NEBL: variants seen among roughly 807,000 people sequenced by gnomAD.
The protein encoded by NEBL is LIM and SH3 protein 2.
In NEBL, 122 loss-of-function variants were observed where a neutral mutation model predicts 140.2. The ratio of observed to expected loss-of-function variants is 0.87; its 90% CI spans 0.75 to 1.01. NEBL has a LOEUF of 1.01. Among genes scored for constraint, NEBL ranks in the 50% least tolerant of loss-of-function variants. The pLI, the probability that NEBL is intolerant of heterozygous loss-of-function variation, is 0.00. For synonymous variants in NEBL, 436 were observed against 398.9 expected (o/e 1.09, Z -1.11); for missense variants, 1,365 against 1,231.3 (o/e 1.11, Z -1.62).
chr10:20,818,806 C>T, intron 20 of NEBL: 1 of 988,622 alleles, frequency 1.0e-6, no homozygotes, highest in South Asian at 4.6e-5. Flanking sequence ...CAACACAGTC[C>T]CAAATTTCCT....
At chr10:21,165,283 T>C (rs1427898982) in intron 2 of NEBL, among the ~76,000 whole-genome samples, 1 of 152,198 alleles carries the variant, frequency 6.6e-6, no homozygotes, top group Admixed American at 6.5e-5. Context: ...AAACCAGACC[T>C]CTAAGTAGTG....
At chr10:20,791,702 G>A (rs930619375) in intron 26 of NEBL, among the ~76,000 whole-genome samples, 1 of 152,046 alleles carries the variant, frequency 6.6e-6, no homozygotes. Flanking sequence ...CTAAGAACAT[G>A]TTAAGAGGCT....
chr10:20,999,754 C>T (rs1589123643), intron 3 of NEBL, among the ~76,000 whole-genome samples: 1 of 152,182 alleles, frequency 6.6e-6, no homozygotes, highest in African/African-American at 2.4e-5. Context: ...TCTCTTACAA[C>T]CCCCGCTTTA....
chr10:21,032,931 AC>A (rs766984009), intron 2 of NEBL, among the ~76,000 whole-genome samples: 9 of 152,182 alleles, frequency 5.9e-5, no homozygotes, highest in Non-Finnish European at 8.8e-5. Context: ...AACCTGACCT[AC>A]CCTACTATGA....
chr10:21,012,668 C>T (rs1198908043), intron 3 of NEBL, among the ~76,000 whole-genome samples: 1 of 152,128 alleles, frequency 6.6e-6, no homozygotes, highest in African/African-American at 2.4e-5. Flanking sequence ...CTACTGTGCC[C>T]AGCCTGATTT....
chr10:20,997,647 T>C (rs1039812251), intron 3 of NEBL, among the ~76,000 whole-genome samples: 3 of 152,138 alleles, frequency 2.0e-5, no homozygotes, highest in Admixed American at 6.5e-5. Context: ...TTGGGTACTT[T>C]CTATGATCAG....
intron 1 of NEBL, among the ~76,000 whole-genome samples, chr10:21,289,572 G>A (rs920923033): frequency 1.3e-5 from 2 of 151,994 alleles, no homozygotes; most frequent in African/African-American, 4.8e-5. Context: ...CCTTTCTCAG[G>A]GCCTTTAAGA....
At chr10:21,079,647 A>G (rs573165537) in intron 2 of NEBL, among the ~76,000 whole-genome samples, 3 of 152,202 alleles carry the variant, frequency 2.0e-5, no homozygotes, top group Admixed American at 2.0e-4. Flanking sequence ...TTCCCTCTCA[A>G]TAAGATCTAT....
intron 1 of NEBL, among the ~76,000 whole-genome samples, chr10:21,285,318 T>C (rs1189583834): frequency 1.3e-5 from 2 of 152,152 alleles, no homozygotes; most frequent in African/African-American, 4.8e-5. Flanking sequence ...ATCCCTCCTA[T>C]TCTATTCGAA....
intron 3 of NEBL, among the ~76,000 whole-genome samples, chr10:21,231,295 T>C (rs145064814): frequency 0.013 from 2,049 of 152,208 alleles, 45 homozygotes; most frequent in African/African-American, 0.047. Flanking sequence ...ATCCCAGCAC[T>C]TTGGGAGGCT....
intron 3 of NEBL, among the ~76,000 whole-genome samples, chr10:21,012,463 G>A (rs1207074797): frequency 1.5e-4 from 23 of 152,120 alleles, no homozygotes; most frequent in Admixed American, 1.4e-3. Context: ...GGCCTCAAGC[G>A]ATCCTTCTGC....
intron 2 of NEBL, chr10:21,070,068 A>C: frequency 2.2e-6 from 1 of 453,744 alleles, no homozygotes; most frequent in Non-Finnish European, 4.4e-6. Flanking sequence ...ACTTCGGGAC[A>C]GGAAGGAAAG....
At chr10:21,019,930 A>C (rs559838247) in intron 3 of NEBL, among the ~76,000 whole-genome samples, 1 of 152,264 alleles carries the variant, frequency 6.6e-6, no homozygotes, top group Non-Finnish European at 1.5e-5. Context: ...GAATATCAGG[A>C]CAATTCAAGA....
intron 2 of NEBL, among the ~76,000 whole-genome samples, chr10:21,139,827 GAAT>G (rs774665857): frequency 6.6e-6 from 1 of 152,040 alleles, no homozygotes; most frequent in Non-Finnish European, 1.5e-5. Context: ...GTGAAGCTCA[GAAT>G]AATCTTCGTA....
chr10:21,245,155 C>T (rs888747575), intron 3 of NEBL, among the ~76,000 whole-genome samples: 2 of 152,096 alleles, frequency 1.3e-5, no homozygotes, highest in Non-Finnish European at 2.9e-5. Context: ...CGGAGCAAGA[C>T]TCTTTCTCAA....
At chr10:21,010,339 G>T (rs1776693307) in intron 3 of NEBL, among the ~76,000 whole-genome samples, 1 of 152,128 alleles carries the variant, frequency 6.6e-6, no homozygotes, top group South Asian at 2.1e-4. Context: ...CGACCTTCTG[G>T]GCTCAAGCGA....
chr10:21,062,510 A>G (rs1002199074), intron 2 of NEBL, among the ~76,000 whole-genome samples: 1 of 151,896 alleles, frequency 6.6e-6, no homozygotes, highest in Non-Finnish European at 1.5e-5. Context: ...AAAAAATTAA[A>G]AAATAAAAAA....
At chr10:21,260,801 A>G (rs1306256090) in intron 1 of NEBL, among the ~76,000 whole-genome samples, 1 of 152,184 alleles carries the variant, frequency 6.6e-6, no homozygotes, top group Non-Finnish European at 1.5e-5. Flanking sequence ...CACACACAAA[A>G]CAGCAAATCC....
chr10:20,837,775 G>C (rs974172777), intron 13 of NEBL, among the ~76,000 whole-genome samples: 8 of 152,178 alleles, frequency 5.3e-5, no homozygotes, highest in African/African-American at 1.9e-4. Flanking sequence ...TTAAGTTGCA[G>C]CCAATGCTCA....
Sources: allele counts gnomAD v4.1 joint callset (sites outside exome capture counted in the v4.1 genomes callset), GRCh38; gene constraint gnomAD v4.1.1; transcripts MANE v1.5; gene names NCBI Gene and HGNC (gene_info 2026-07-23, HGNC 2026-07-21).